The following DHCR7 variants were observed in gnomAD, a reference collection of about 807,000 sequenced individuals.
The protein encoded by DHCR7 is 7-DHC reductase.
In DHCR7, 40 loss-of-function variants were observed where a neutral mutation model predicts 43.3. The observed-to-expected ratio is 0.92, with a 90% CI of 0.72 to 1.20. The LOEUF (loss-of-function observed/expected upper bound fraction) is 1.20, where lower values mean the gene tolerates loss of function less well. Among genes scored for constraint, DHCR7 ranks in the 50% most tolerant of loss-of-function variants. The pLI is 0.00. For missense variants in DHCR7, 608 were observed against 644.6 expected (o/e 0.94, Z 0.62); for synonymous variants, 298 against 271.4 (o/e 1.10, Z -0.96).
At chr11:71,447,465 G>A (rs954020430) in intron 2 of DHCR7, 145 bp downstream of exon 2, 5 of 152,184 alleles carry the variant, frequency 3.3e-5, no homozygotes, top group African/African-American at 1.2e-4. Context: ...AGACAAAGGG[G>A]AGGTGCCCTG....
downstream of DHCR7, among the ~76,000 whole-genome samples, chr11:71,432,407 T>C (rs2135937519): frequency 6.6e-6 from 1 of 152,362 alleles, no homozygotes; most frequent in South Asian, 2.1e-4. Flanking sequence ...ATTGGTCATT[T>C]ATATTTTTTA....
Position 71,434,740 on chromosome 11 carries a change from G to A in DHCR7, c.*635C>T, listed in dbSNP as rs1949252317. 4.4e-6 allele frequency: 1 copy of A among 227,232 alleles called. No homozygotes were observed. The allele number at this position is 227,232 out of a possible 1,614,324, so 14.1% of individuals were successfully genotyped here. On this transcript the variant is annotated 3_prime_UTR_variant, in exon 9 of 9. Transcript: ENST00000355527. The stretch of plus-strand genomic sequence containing the variant: ...CCTGAAAGGCCACAGCCGGTGCTGG[G>A]ACCTCTCTGAGGTCTGCAGACTCCA...
chr11:71,447,047 A>C (rs1486502701), intron 2 of DHCR7, among the ~76,000 whole-genome samples: 5 of 152,194 alleles, frequency 3.3e-5, no homozygotes. Flanking sequence ...GCCAAAACTT[A>C]CCAGCTCAGT....
At chr11:71,443,149 G>T (rs1222896969) in intron 4 of DHCR7, among the ~76,000 whole-genome samples, 3 of 152,214 alleles carry the variant, frequency 2.0e-5, no homozygotes, top group Non-Finnish European at 2.9e-5. Context: ...CTGCCAAATA[G>T]TGTCCCACAG....
chr11:71,441,074 T>A (rs1408736967), intron 6 of DHCR7, among the ~76,000 whole-genome samples, 153 bp downstream of exon 6: 2 of 152,210 alleles, frequency 1.3e-5, no homozygotes, highest in African/African-American at 4.8e-5. Context: ...AGAAAGGATG[T>A]TCCCCAGGGT....
In DHCR7 at chr11:71,435,391, A is replaced by G. The variant is rs766709599; in HGVS notation, c.1412T>C (p.Leu471Pro). 3 of 1,612,366 alleles carry G rather than the reference A, an allele frequency of 1.9e-6. No homozygotes were observed. The highest frequency in any genetic ancestry group is 2.5e-6 in the Non-Finnish European group (3 of 1,179,988). ...RYTAAVPYRLLPGIF is the reference protein window; with the variant it reads ...RYTAAVPYRLPPGIF ...GGCGTGCCCTTAGAAGATTCCAGGC[A>G]GCAGGCGGTAAGGCACTGCGGCGGT... Residue 471 changes from leucine (L) to proline (P), a missense_variant, in exon 9 of 9, where the codon CTG (leucine) becomes CCG (proline). Physicochemically the swap from Leu to Pro is moderately conservative, Grantham distance 98 (BLOSUM62 -3). Coordinates refer to ENST00000355527, the MANE Select transcript of DHCR7 (RefSeq NM_001360.3).
At chr11:71,436,837 A>G (rs1790329) in intron 8 of DHCR7, among the ~76,000 whole-genome samples, 129,882 of 152,248 alleles carry the variant, frequency 0.85, 56,428 homozygotes, top group Non-Finnish European at 0.95. Context: ...CTTGGGAGAA[A>G]CCTAATATAT....
intron 7 of DHCR7, chr11:71,438,647 G>A (rs1295616483): frequency 2.3e-5 from 14 of 600,638 alleles, no homozygotes; most frequent in East Asian, 1.4e-4. Flanking sequence ...CCTGGACCAC[G>A]CCTGGCTGCG....
chr11:71,442,567 G>A (rs940840491), intron 4 of DHCR7, among the ~76,000 whole-genome samples: 2 of 152,090 alleles, frequency 1.3e-5, no homozygotes, highest in African/African-American at 2.4e-5. Flanking sequence ...TCTCCCCCAG[G>A]GCTCCATTCG....
At chr11:71,442,878 G>C (rs1165921283) in intron 4 of DHCR7, among the ~76,000 whole-genome samples, 1 of 152,196 alleles carries the variant, frequency 6.6e-6, no homozygotes, top group Non-Finnish European at 1.5e-5. Flanking sequence ...TTACATGGTT[G>C]GTTGTACACC....
At chr11:71,439,717 CA>C (rs1291076071) in intron 6 of DHCR7, among the ~76,000 whole-genome samples, 3 of 152,208 alleles carry the variant, frequency 2.0e-5, no homozygotes, top group Non-Finnish European at 4.4e-5. Flanking sequence ...GGACACACAA[CA>C]ATTTCTGTGT....
chr11:71,436,312 G>T (rs1315549964), intron 8 of DHCR7, among the ~76,000 whole-genome samples: 2 of 152,124 alleles, frequency 1.3e-5, no homozygotes, highest in Non-Finnish European at 2.9e-5. Flanking sequence ...CATCCAATCA[G>T]TTGACAGCTT....
downstream of DHCR7, among the ~76,000 whole-genome samples, chr11:71,430,310 C>G (rs1949221939): frequency 6.6e-6 from 1 of 152,152 alleles, no homozygotes; most frequent in African/African-American, 2.4e-5. Context: ...TGCTCAACCC[C>G]TTGTGGGAGG....
chr11:71,447,164 C>G (rs377471475), intron 2 of DHCR7, among the ~76,000 whole-genome samples: 1 of 152,194 alleles, frequency 6.6e-6, no homozygotes. Context: ...GGGTGGCATT[C>G]GTCTTGCCCC....
Position 71,434,860 on chromosome 11 carries a change from C to T in DHCR7, c.*515G>A. The stretch of plus-strand genomic sequence containing the variant: ...GTGTCCCAGTTCAACACCGTGCACG[C>T]TACCAAGGAGAAACGGCGCACGGGC... On this transcript the variant is annotated 3_prime_UTR_variant, in exon 9 of 9. Coordinates refer to ENST00000355527, the MANE Select transcript of DHCR7 (RefSeq NM_001360.3). 2.8e-6 allele frequency: 1 copy of T among 351,780 alleles called. No individual in the cohort carries two copies. The highest frequency in any genetic ancestry group is 3.8e-5 in the Admixed American group (1 of 26,042). 21.8% of individuals were successfully genotyped at this position (351,780 alleles called of 1,614,324 possible).
At position 71,434,785 on chromosome 11, in the gene DHCR7, C is replaced by T; in HGVS notation, c.*590G>A. On this transcript the variant is annotated 3_prime_UTR_variant, in exon 9 of 9. Coordinates refer to ENST00000355527, the MANE Select transcript of DHCR7 (RefSeq NM_001360.3). ...ACTCCAGGCAGAGCACTCCTGGCAG[C>T]TGTGCAGCAGGAGCAGGAAGGAAAC... 3.3e-6 allele frequency: 1 copy of T among 301,224 alleles called. No individual in the cohort carries two copies. The highest frequency in any genetic ancestry group is 1.2e-3 in the Middle Eastern group (1 of 812). The allele number at this position is 301,224 out of a possible 1,614,324, so 18.7% of individuals were successfully genotyped here. A position where few individuals can be genotyped will look rare whatever the true frequency, so the allele number is the denominator to read the frequency against.
chr11:71,446,079 C>T (rs747263344), intron 2 of DHCR7, among the ~76,000 whole-genome samples: 14 of 152,044 alleles, frequency 9.2e-5, no homozygotes, highest in Non-Finnish European at 1.5e-4. Context: ...GACAGCTATG[C>T]AGCAGGACTA....
In DHCR7 at chr11:71,435,634, T is replaced by C. The variant is rs766943022; in HGVS notation, c.1169A>G (p.His390Arg). The change falls in exon 9 of 9, where the codon CAC becomes CGC. Residue 390 changes from histidine to arginine, a missense_variant. Coordinates refer to ENST00000355527, the MANE Select transcript of DHCR7 (RefSeq NM_001360.3). ...GCCCGACACCAGCAGCTTGCTGTGGTGCCTCTGCCCATCGGCGGATGTGTA... is the reference window on the plus strand; with the variant it reads ...GCCCGACACCAGCAGCTTGCTGTGGCGCCTCTGCCCATCGGCGGATGTGTA... ...CSYTSADGQR[H>R]HSKLLVSGFW... is the part of the protein sequence containing the mutation. The C allele has an allele frequency of 1.2e-6, 2 of 1,612,156 alleles. No individual in the cohort carries two copies. The highest frequency in any genetic ancestry group is 1.7e-6 in the Non-Finnish European group (2 of 1,179,852).
downstream of DHCR7, among the ~76,000 whole-genome samples, chr11:71,430,008 G>A (rs1949220620): frequency 6.6e-6 from 1 of 152,220 alleles, no homozygotes; most frequent in Admixed American, 6.5e-5. Flanking sequence ...GTCTTCCCAG[G>A]TAACATCCAG....
Sources: allele counts gnomAD v4.1 joint callset (sites outside exome capture counted in the v4.1 genomes callset), GRCh38; gene constraint gnomAD v4.1.1; transcripts MANE v1.5; gene names NCBI Gene and HGNC (gene_info 2026-07-23, HGNC 2026-07-21).